Variants in RAD51B observed in about 807,000 individuals in gnomAD.
RAD51B encodes DNA repair protein RAD51 homolog 2.
A neutral mutation model predicts 42.2 loss-of-function variants in RAD51B; 38 were observed. The observed-to-expected ratio is 0.90, with a 90% CI of 0.70 to 1.18. RAD51B has a LOEUF of 1.18. Ranked by LOEUF, RAD51B falls within the 50% of genes most tolerant of loss-of-function variation. The pLI, the probability that RAD51B is intolerant of heterozygous loss-of-function variation, is 0.00. For missense variants in RAD51B, 373 were observed against 400.7 expected (o/e 0.93, Z 0.59); for synonymous variants, 154 against 145.2 (o/e 1.06, Z -0.43).
rs1887187619 is a variant in RAD51B at position 68,530,188 on chromosome 14, A to T, written c.1036+61938A>T. 2.0e-5 allele frequency among the ~76,000 whole-genome samples: 3 copies of T among 152,090 alleles called. No homozygotes were observed. In the South Asian group the frequency reaches 6.2e-4, roughly 32 times the overall value. On this transcript the variant is annotated intron_variant, in intron 10 of 10. Transcript: ENST00000487270. Reference sequence around the variant, plus strand: ...GCTGGGCACAGTGGCTCACACTTGTAACCTCAGCACTTTGGGAGGCAGAGG... The same window carrying T: ...GCTGGGCACAGTGGCTCACACTTGTTACCTCAGCACTTTGGGAGGCAGAGG...
intron 10 of RAD51B, among the ~76,000 whole-genome samples, chr14:68,548,875 A>G (rs2140379559): frequency 6.6e-6 from 1 of 150,954 alleles, no homozygotes; most frequent in East Asian, 2.0e-4. Context: ...TTCTTTCCTG[A>G]CCTCCCTCCA....
intron 7 of RAD51B, among the ~76,000 whole-genome samples, chr14:67,903,133 C>T (rs1170228030): frequency 6.6e-6 from 1 of 152,178 alleles, no homozygotes; most frequent in Non-Finnish European, 1.5e-5. Flanking sequence ...GCTGGGATTA[C>T]AGGCGTGAGC....
intron 7 of RAD51B, among the ~76,000 whole-genome samples, chr14:67,932,136 T>A (rs1244099680): frequency 6.6e-6 from 1 of 152,180 alleles, no homozygotes; most frequent in Non-Finnish European, 1.5e-5. Context: ...CCCTCCCTCC[T>A]ACCTCATGTA....
intron 8 of RAD51B, among the ~76,000 whole-genome samples, chr14:68,399,133 C>T (rs2084011080): frequency 6.6e-6 from 1 of 152,110 alleles, no homozygotes; most frequent in African/African-American, 2.4e-5. Flanking sequence ...AGTAATCTCT[C>T]TGGAAAGGCC....
chr14:68,469,171 A>G (rs2086060648), intron 10 of RAD51B: 1 of 487,508 alleles, frequency 2.1e-6, no homozygotes, highest in Non-Finnish European at 4.2e-6. Flanking sequence ...ACTGCTGTCC[A>G]TGGGAGAAGT....
At chr14:68,661,663 CA>C (rs779513257) in intron 11 of RAD51B, among the ~76,000 whole-genome samples, 1 of 152,226 alleles carries the variant, frequency 6.6e-6, no homozygotes, top group Non-Finnish European at 1.5e-5. Flanking sequence ...GCGTGGCATG[CA>C]AACATATTCA....
At chr14:68,596,189 G>A (rs907711575), downstream of RAD51B, among the ~76,000 whole-genome samples, 4 of 152,124 alleles carry the variant, frequency 2.6e-5, no homozygotes, top group African/African-American at 9.7e-5. Flanking sequence ...CCACCAGGGT[G>A]AATTTCTCAC....
intron 10 of RAD51B, among the ~76,000 whole-genome samples, chr14:68,593,931 C>G (rs922192407): frequency 3.9e-5 from 6 of 152,154 alleles, no homozygotes; most frequent in Non-Finnish European, 7.3e-5. Flanking sequence ...CGGATCAGCT[C>G]AGAAAGAATC....
At chr14:68,515,788 T>C (rs999434061) in intron 10 of RAD51B, among the ~76,000 whole-genome samples, 1 of 146,482 alleles carries the variant, frequency 6.8e-6, no homozygotes, top group African/African-American at 2.5e-5. Context: ...CTTTTTTTTT[T>C]TTTTTTTGAG....
At chr14:68,130,623 C>T (rs1426519010) in intron 7 of RAD51B, among the ~76,000 whole-genome samples, 1 of 152,234 alleles carries the variant, frequency 6.6e-6, no homozygotes, top group Non-Finnish European at 1.5e-5. Context: ...TTTAGCCAAT[C>T]TCCTCTCTTT....
chr14:68,477,626 CTTTTT>C lies in RAD51B; in HGVS notation c.1037-12_1037-8del. On this transcript the variant is annotated splice_polypyrimidine_tract_variant and intron_variant, in intron 10 of 10. Transcript: ENST00000471583. ...ACAATTTTTTTTTTTCAAACTTTCTCTTTTTTTTTTTTTTCCTTTAGGCCAAGAGA... is the reference window on the plus strand; with the variant it reads ...ACAATTTTTTTTTTTCAAACTTTCTCTTTTTTTTTCCTTTAGGCCAAGAGA... 7.1e-6 allele frequency: 10 copies of C among 1,409,914 alleles called. No homozygotes were observed. The highest frequency in any genetic ancestry group is 6.0e-5 in the Admixed American group (3 of 50,208). The allele number at this position is 1,409,914 out of a possible 1,614,324, so 87.3% of individuals were successfully genotyped here. A position where few individuals can be genotyped will look rare whatever the true frequency, so the allele number is the denominator to read the frequency against.
intron 10 of RAD51B, among the ~76,000 whole-genome samples, chr14:68,520,713 C>T (rs1021145673): frequency 5.3e-5 from 8 of 152,164 alleles, no homozygotes; most frequent in African/African-American, 1.9e-4. Flanking sequence ...ATAGTGAGGA[C>T]CTACTGTGTG....
chr14:68,448,161 C>T (rs1265032402), intron 9 of RAD51B, among the ~76,000 whole-genome samples: 1 of 152,132 alleles, frequency 6.6e-6, no homozygotes, highest in African/African-American at 2.4e-5. Flanking sequence ...GGATGGTCTT[C>T]AAGAAGTGAA....
chr14:68,251,828 T>C (rs1285173173), intron 7 of RAD51B, among the ~76,000 whole-genome samples: 2 of 152,210 alleles, frequency 1.3e-5, no homozygotes, highest in African/African-American at 4.8e-5. Flanking sequence ...AATACAGTTA[T>C]GTAAAAATTC....
At chr14:68,382,396 A>G (rs968282034) in intron 8 of RAD51B, among the ~76,000 whole-genome samples, 3 of 152,244 alleles carry the variant, frequency 2.0e-5, no homozygotes, top group Non-Finnish European at 4.4e-5. Flanking sequence ...TATCTTTGAC[A>G]TCAGCGCCAT....
intron 7 of RAD51B, among the ~76,000 whole-genome samples, chr14:68,264,522 G>C (rs2080951080): frequency 6.6e-6 from 1 of 152,220 alleles, no homozygotes; most frequent in African/African-American, 2.4e-5. Context: ...AGTTATCTGG[G>C]ACCTCATTTA....
At chr14:68,405,829 CAAA>C (rs10547910) in intron 8 of RAD51B, among the ~76,000 whole-genome samples, 33 of 71,540 alleles carry the variant, frequency 4.6e-4, no homozygotes, top group African/African-American at 1.0e-3. Context: ...AGTTTATCAC[CAAA>C]AAAAAAAAAA....
intron 10 of RAD51B, chr14:68,541,355 G>A (rs1253221194): frequency 1.0e-6 from 1 of 985,344 alleles, no homozygotes; most frequent in Non-Finnish European, 1.2e-6. Flanking sequence ...CCCCTTTCCA[G>A]CAGGAGAAAT....
chr14:67,861,453 A>G (rs2042159084), intron 4 of RAD51B, among the ~76,000 whole-genome samples: 1 of 151,920 alleles, frequency 6.6e-6, no homozygotes, highest in African/African-American at 2.4e-5. Flanking sequence ...AGCCTGGGCA[A>G]CATGGTGAAA....
Sources: gnomAD v4.1 joint callset for allele counts (sites outside exome capture counted in the v4.1 genomes callset) on GRCh38, gnomAD v4.1.1 for gene constraint, MANE v1.5 for transcripts, NCBI Gene and HGNC (gene_info 2026-07-23, HGNC 2026-07-21) for gene names.